Variants in MTCH1 observed in about 807,000 individuals in gnomAD.
MTCH1 encodes the protein mitochondrial carrier 1, also known as mitochondrial carrier homolog 1.
In MTCH1, 23 loss-of-function variants were observed where a neutral mutation model predicts 49.3. The observed-to-expected ratio is 0.47, with a 90% CI of 0.34 to 0.66. MTCH1 has a LOEUF of 0.66. Among genes scored for constraint, MTCH1 ranks in the 30% least tolerant of loss-of-function variants. The probability of loss-of-function intolerance (pLI) is 0.01; values close to 1 mark genes in which losing one functional copy is unlikely to be tolerated. For missense variants in MTCH1, 397 were observed against 532.1 expected (o/e 0.75, Z 2.50); for synonymous variants, 229 against 215.2 (o/e 1.06, Z -0.56).
chr6:36,974,605 A>G (rs951416878), intron 7 of MTCH1, among the ~76,000 whole-genome samples: 1 of 152,104 alleles, frequency 6.6e-6, no homozygotes, highest in Non-Finnish European at 1.5e-5. Flanking sequence ...GCCTCTACCC[A>G]CTAGATGCCA....
At chr6:36,978,875 CTTTTTTTTTTTTTT>C (rs11322816) in intron 2 of MTCH1, among the ~76,000 whole-genome samples, 2 of 100,420 alleles carry the variant, frequency 2.0e-5, no homozygotes, top group East Asian at 2.5e-4. Flanking sequence ...TCCCTCCCTC[CTTTTTTTTTTTTTT>C]TTTTTTTTTG....
chr6:36,982,255 C>A lies in MTCH1; in HGVS notation c.322-583G>T, dbSNP rs1426295800. Reference sequence around the variant, plus strand: ...CCTCAAATTCCAGCTACTCCTCAAACATATCCTTAGCTGCGTTCTCACCTC... The same window carrying A: ...CCTCAAATTCCAGCTACTCCTCAAAAATATCCTTAGCTGCGTTCTCACCTC... On this transcript the variant is annotated intron_variant, in intron 1 of 11. Transcript: ENST00000373627. This position sits in a 1 kb window ranked among gnomAD's most constrained non-coding sequence, Gnocchi z 4.1. Among the ~76,000 whole-genome samples the A allele has an allele frequency of 6.6e-6, 1 of 152,222 alleles. No homozygotes were observed. Among genetic ancestry groups the A allele is most frequent in the Non-Finnish European group, 1.5e-5 (1 of 68,042 alleles).
chr6:36,986,131 C>T lies in MTCH1; in HGVS notation c.43G>A (p.Gly15Ser). The change falls in exon 1 of 12, where the codon GGT becomes AGT. Residue 15 changes from glycine to serine, a missense_variant. Physicochemically the swap from Gly to Ser is moderately conservative, Grantham distance 56. Around this residue, in one of 2 missense-constraint regions of MTCH1, gnomAD observed 145 missense variants for 143.8 expected, o/e 1.01. Coordinates refer to ENST00000373627, the MANE Select transcript of MTCH1 (RefSeq NM_001271641.2). ...DPEVAPWARG[G>S]AAGMAGAGAG... ...CCGGCTCCCGCCATCCCCGCGGCAC[C>T]GCCGCGAGCCCAGGGCGCCACTTCC... 19 of 1,435,344 alleles carry T rather than the reference C, an allele frequency of 1.3e-5. No homozygotes were observed. The highest frequency in any genetic ancestry group is 3.1e-5 in the East Asian group (1 of 32,474). 88.9% of individuals were successfully genotyped at this position (1,435,344 alleles called of 1,614,324 possible).
rs554231904 is a variant in MTCH1, at chr6:36,970,349, C to T, written c.1022+57G>A. On this transcript the variant is annotated intron_variant, in intron 10 of 11. Coordinates refer to ENST00000373627, the MANE Select transcript of MTCH1 (RefSeq NM_001271641.2). ...AGAGTGCTGGAAGGGCTCGGTGGGTCTCCCCCACCCCACAGCCTTGGTAGG... is the reference window on the plus strand; with the variant it reads ...AGAGTGCTGGAAGGGCTCGGTGGGTTTCCCCCACCCCACAGCCTTGGTAGG... 7 of 1,596,450 alleles carry T rather than the reference C, an allele frequency of 4.4e-6. No individual in the cohort carries two copies. In the East Asian group the frequency reaches 1.3e-4, roughly 31 times the overall value.
At chr6:36,969,135 G>C in intron 11 of MTCH1, 161 bp from the exon 12 acceptor site, 1 of 985,440 alleles carries the variant, frequency 1.0e-6, no homozygotes, top group Non-Finnish European at 1.2e-6. Context: ...GAATCTGCCT[G>C]TGTTGAAGCA....
intron 2 of MTCH1, among the ~76,000 whole-genome samples, chr6:36,981,023 T>A (rs947593569): frequency 2.0e-5 from 3 of 152,162 alleles, no homozygotes; most frequent in African/African-American, 7.2e-5. Context: ...AGCAGGTAAG[T>A]GGCCCACCCA....
At chr6:36,974,516 G>A (rs1763793488) in intron 7 of MTCH1, among the ~76,000 whole-genome samples, 1 of 152,084 alleles carries the variant, frequency 6.6e-6, no homozygotes, top group African/African-American at 2.4e-5. Flanking sequence ...GATCACAGAT[G>A]CAAGCAACGA....
At position 36,968,908 on chromosome 6, in the gene MTCH1, C is replaced by G. The variant is rs1250903629; in HGVS notation, c.1165G>C (p.Glu389Gln). The stretch of plus-strand genomic sequence containing the variant: ...TGTTTTTTAGATGATTCAGGTTACT[C>G]CAGGGCAAAGCATGATCCTGATGAC... ...RVSSGSCFALE is the reference protein window; with the variant it reads ...RVSSGSCFALQ The change falls in exon 12 of 12, where the codon GAG becomes CAG. Residue 389 changes from glutamate to glutamine, a missense_variant. This residue lies in a region of MTCH1 where 252 missense variants were observed against 388.3 expected (regional missense o/e 0.65). Coordinates refer to ENST00000373627, the MANE Select transcript of MTCH1 (RefSeq NM_001271641.2). 1.9e-6 allele frequency: 3 copies of G among 1,613,962 alleles called. No homozygotes were observed. The African/African-American group carries it at 4.0e-5, about 22-fold the overall frequency.
chr6:36,969,448 G>A, intron 11 of MTCH1: 1 of 1,073,058 alleles, frequency 9.3e-7, no homozygotes, highest in African/African-American at 1.7e-5. Flanking sequence ...AAAAGGCAAG[G>A]TTCTGCCCTC....
At chr6:36,983,465 T>A (rs1302739810) in intron 1 of MTCH1, among the ~76,000 whole-genome samples, 1 of 152,196 alleles carries the variant, frequency 6.6e-6, no homozygotes, top group African/African-American at 2.4e-5. Context: ...TTATCCCATA[T>A]CCCCATGGCT....
chr6:36,969,628 T>C (rs977954858), intron 11 of MTCH1: 81 of 1,175,442 alleles, frequency 6.9e-5, no homozygotes, highest in Non-Finnish European at 8.3e-5. Flanking sequence ...GAGGGAGGAG[T>C]CGGTTTCCAA....
At position 36,975,649 on chromosome 6, in the gene MTCH1, C is replaced by T; in HGVS notation, c.761+9G>A. 1 of 1,613,982 alleles carries T rather than the reference C, an allele frequency of 6.2e-7. No individual in the cohort carries two copies. The highest frequency in any genetic ancestry group is 8.5e-7 in the Non-Finnish European group (1 of 1,179,852). On this transcript the variant is annotated intron_variant, in intron 7 of 11. Coordinates refer to ENST00000373627, the MANE Select transcript of MTCH1 (RefSeq NM_001271641.2). The stretch of plus-strand genomic sequence containing the variant: ...CGTGGCCAGTTATGGGGTGTATAAA[C>T]TCACGTACACGAAGAATCCCAGCAG...
intron 6 of MTCH1, among the ~76,000 whole-genome samples, chr6:36,975,955 C>A (rs1763864959): frequency 6.6e-6 from 1 of 152,200 alleles, no homozygotes; most frequent in African/African-American, 2.4e-5. Context: ...GAGCAGCCCA[C>A]TAGCAGTCCT....
chr6:36,969,102 T>G, intron 11 of MTCH1, 128 bp from the exon 12 acceptor site: 1 of 1,448,574 alleles, frequency 6.9e-7, no homozygotes, highest in Non-Finnish European at 9.1e-7. Context: ...GTGGACGGCC[T>G]CGGCCTACAT....
intron 7 of MTCH1, among the ~76,000 whole-genome samples, chr6:36,974,962 G>C (rs1292826899): frequency 1.3e-5 from 2 of 152,190 alleles, no homozygotes; most frequent in African/African-American, 4.8e-5. Flanking sequence ...CCTGGCTTCT[G>C]TCTGCACCTT....
At position 36,968,591 on chromosome 6, in the gene MTCH1, G is replaced by T; in HGVS notation, c.*312C>A. On this transcript the variant is annotated 3_prime_UTR_variant, in exon 12 of 12. Transcript: ENST00000373627. ...ATTAGCCTTTCCCCATCCAACCTGG[G>T]CCCCCATAAGCCATTCTCTGGCCCT... The T allele has an allele frequency of 2.4e-6, 1 of 423,334 alleles. No homozygotes were observed. The allele number at this position is 423,334 out of a possible 1,614,324, so 26.2% of individuals were successfully genotyped here. A position where few individuals can be genotyped will look rare whatever the true frequency, so the allele number is the denominator to read the frequency against.
Position 36,977,825 on chromosome 6 carries a change from G to T in MTCH1, c.592-134C>A. The T allele has an allele frequency of 1.2e-6, 1 of 849,592 alleles. No homozygotes were observed. The highest frequency in any genetic ancestry group is 1.9e-6 in the Non-Finnish European group (1 of 536,214). 52.6% of individuals were successfully genotyped at this position (849,592 alleles called of 1,614,324 possible). A position where few individuals can be genotyped will look rare whatever the true frequency, so the allele number is the denominator to read the frequency against. On this transcript the variant is annotated intron_variant, in intron 4 of 11. Transcript: ENST00000373627. The surrounding 1 kb of genome is among the most constrained non-coding windows in gnomAD (Gnocchi z 5.4). ...CACATGGGGTCGGTCTGCCAAGGAT[G>T]GCTCCACCTGTTGCCCACTCCCCAG...
At position 36,970,026 on chromosome 6, in the gene MTCH1, A is replaced by G. The variant is rs959056572; in HGVS notation, c.1098+13T>C. On this transcript the variant is annotated intron_variant, in intron 11 of 11. Transcript: ENST00000373627. ...AGAACAGGAAAGGCCTCCGCCGTCCAGTGCTTGCTCACCTGCACACTCAGG... is the reference window on the plus strand; with the variant it reads ...AGAACAGGAAAGGCCTCCGCCGTCCGGTGCTTGCTCACCTGCACACTCAGG... 4 of 1,614,076 alleles carry G rather than the reference A, an allele frequency of 2.5e-6. No individual in the cohort carries two copies. The highest frequency in any genetic ancestry group is 3.4e-6 in the Non-Finnish European group (4 of 1,179,956).
rs1764093171 is a variant in MTCH1, at chr6:36,981,569, GCT to G, written c.406+17_406+18del. 5 of 1,612,200 alleles carry G rather than the reference GCT, an allele frequency of 3.1e-6. No individual in the cohort carries two copies. The African/African-American group carries it at 6.7e-5, about 22-fold the overall frequency. On this transcript the variant is annotated intron_variant, in intron 2 of 11. Coordinates refer to ENST00000373627, the MANE Select transcript of MTCH1 (RefSeq NM_001271641.2). ...CTTTTCTGTTGGTGTGGGCTTTCCT[GCT>G]TGGGAGGCACACTCACCGTAGGTGA...
Sources: gnomAD v4.1 joint callset for allele counts (sites outside exome capture counted in the v4.1 genomes callset) on GRCh38, gnomAD v4.1.1 for gene constraint, gnomAD v4.1.1 regional missense constraint, Gnocchi (gnomAD v3.1) non-coding constraint, MANE v1.5 for transcripts, NCBI Gene and HGNC (gene_info 2026-07-23, HGNC 2026-07-21) for gene names.